Variants in NAA11 observed in about 807,000 individuals in gnomAD.
NAA11 encodes the protein N-alpha-acetyltransferase 11, NatA catalytic subunit, also known as N-alpha-acetyltransferase 11.
In NAA11, 15 loss-of-function variants were observed where a neutral mutation model predicts 16.1. The ratio of observed to expected loss-of-function variants is 0.93; its 90% confidence interval spans 0.62 to 1.44. The LOEUF is 1.44. Among genes scored for constraint, NAA11 ranks in the 40% most tolerant of loss-of-function variants. The pLI, the probability that NAA11 is intolerant of heterozygous loss-of-function variation, is 0.00. For synonymous variants in NAA11, 122 were observed against 112.4 expected (o/e 1.09, Z -0.54); for missense variants, 298 against 291.3 (o/e 1.02, Z -0.17).
chr4:79,224,107 G>C (rs558811779), downstream of NAA11, among the ~76,000 whole-genome samples: 4 of 152,208 alleles, frequency 2.6e-5, no homozygotes, highest in East Asian at 7.7e-4. Context: ...TCTAGATCTG[G>C]AAGTCTAAGA....
At chr4:79,262,971 G>A (rs909207762) in intron 2 of NAA11, among the ~76,000 whole-genome samples, 1 of 152,030 alleles carries the variant, frequency 6.6e-6, no homozygotes, top group African/African-American at 2.4e-5. Context: ...ACATATAAAA[G>A]GGATGACAGG....
the NAA11 span, among the ~76,000 whole-genome samples, chr4:79,188,560 G>A: frequency 1.3e-5 from 2 of 151,538 alleles, no homozygotes; most frequent in Admixed American, 6.6e-5. Flanking sequence ...ACTCCAGCCT[G>A]GGCGACAGAG....
At chr4:79,191,486 G>T in the NAA11 span, among the ~76,000 whole-genome samples, 60 of 152,256 alleles carry the variant, frequency 3.9e-4, no homozygotes, top group South Asian at 9.5e-3. Context: ...TATTCTTTGA[G>T]AAGTGTCTGT....
the NAA11 span, among the ~76,000 whole-genome samples, chr4:79,213,467 T>C: frequency 6.6e-6 from 1 of 152,160 alleles, no homozygotes; most frequent in Non-Finnish European, 1.5e-5. Context: ...AAAATTAATA[T>C]TTGAAATTTT....
chr4:79,269,715 C>T (rs1242369213), intron 2 of NAA11, among the ~76,000 whole-genome samples: 1 of 139,258 alleles, frequency 7.2e-6, no homozygotes. Flanking sequence ...AATTAGATCC[C>T]ATTTGTCAAT....
chr4:79,174,442 G>A, the NAA11 span, among the ~76,000 whole-genome samples: 1 of 152,182 alleles, frequency 6.6e-6, no homozygotes, highest in South Asian at 2.1e-4. Context: ...ATTTTATGTT[G>A]TGGATCACTG....
In NAA11 at chr4:79,325,387, A is replaced by G. The variant is rs901106367; in HGVS notation, c.491T>C (p.Leu164Pro). The G allele has an allele frequency of 1.2e-6, 2 of 1,614,084 alleles. No individual in the cohort carries two copies. The highest frequency in any genetic ancestry group is 1.7e-5 in the Admixed American group (1 of 60,022). Residue 164 changes from leucine to proline, a missense_variant, in exon 1 of 2, where the codon CTG becomes CCG. Coordinates refer to ENST00000286794, the MANE Select transcript of NAA11 (RefSeq NM_032693.3). ...CAGGACCACATACCCGCCCTTCTTCAGGTCCATTTGTCGTCTCAGCTCATC... is the reference window on the plus strand; with the variant it reads ...CAGGACCACATACCCGCCCTTCTTCGGGTCCATTTGTCGTCTCAGCTCATC... ...MADELRRQMDLKKGGYVVLGS... is the reference protein window; with the variant it reads ...MADELRRQMDPKKGGYVVLGS...
chr4:79,274,340 G>GA (rs1208539901), intron 2 of NAA11, among the ~76,000 whole-genome samples: 11 of 152,032 alleles, frequency 7.2e-5, no homozygotes, highest in African/African-American at 2.4e-4. Context: ...GTACAGGGGG[G>GA]AAAGGCTTTA....
intron 2 of NAA11, among the ~76,000 whole-genome samples, chr4:79,242,164 A>G (rs1721711723): frequency 6.6e-6 from 1 of 152,198 alleles, no homozygotes; most frequent in East Asian, 1.9e-4. Flanking sequence ...AGTTCCATTC[A>G]TACCGCCATG....
intron 2 of NAA11, among the ~76,000 whole-genome samples, chr4:79,283,898 G>A (rs1478737557): frequency 6.6e-6 from 1 of 152,038 alleles, no homozygotes; most frequent in Admixed American, 6.6e-5. Context: ...ATCCTGTTAT[G>A]TTAATTGGAA....
At chr4:79,169,599 T>A in the NAA11 span, among the ~76,000 whole-genome samples, 1 of 143,250 alleles carries the variant, frequency 7.0e-6, no homozygotes, top group East Asian at 2.1e-4. Flanking sequence ...TTATACAAAA[T>A]TAACTCAAGA....
chr4:79,203,353 A>G, the NAA11 span, among the ~76,000 whole-genome samples: 2 of 151,792 alleles, frequency 1.3e-5, no homozygotes, highest in Non-Finnish European at 2.9e-5. Context: ...TTAGGAAAGT[A>G]TTGTAAATAG....
At chr4:79,232,168 A>G (rs1261302974) in intron 2 of NAA11, among the ~76,000 whole-genome samples, 2 of 151,952 alleles carry the variant, frequency 1.3e-5, no homozygotes, top group African/African-American at 4.8e-5. Context: ...AGATAAAACA[A>G]GATTGGACAC....
the NAA11 span, among the ~76,000 whole-genome samples, chr4:79,216,928 T>C: frequency 1.3e-5 from 2 of 152,208 alleles, no homozygotes; most frequent in South Asian, 2.1e-4. Context: ...AACATATGCA[T>C]ATCTGAAATT....
At chr4:79,157,572 T>A in the NAA11 span, among the ~76,000 whole-genome samples, 1 of 151,638 alleles carries the variant, frequency 6.6e-6, no homozygotes, top group African/African-American at 2.4e-5. Flanking sequence ...TATGTATGTA[T>A]ATATACATAT....
chr4:79,193,074 T>A, the NAA11 span, among the ~76,000 whole-genome samples: 19 of 152,032 alleles, frequency 1.2e-4, no homozygotes, highest in African/African-American at 4.1e-4. Context: ...TTGATGGGGT[T>A]GTTTTTTTCT....
chr4:79,252,436 C>G (rs752080693), intron 2 of NAA11, among the ~76,000 whole-genome samples: 1 of 152,048 alleles, frequency 6.6e-6, no homozygotes. Context: ...AGAGGTTGAG[C>G]TCCCATTCTC....
At position 79,309,825 on chromosome 4, in the gene NAA11, T is replaced by C. The variant is rs548147035; in HGVS notation, c.*12+15351A>G. Among the ~76,000 whole-genome samples, 4 of 151,186 alleles carry C rather than the reference T, an allele frequency of 2.6e-5. No individual in the cohort carries two copies. In the East Asian group the frequency reaches 7.9e-4, roughly 30 times the overall value. ...CCATCTCCCGGGTTCACGCCATTCT[T>C]CTGCCTCAGCCCCTCCAGTAGCTGG... is the stretch of plus-strand genomic sequence containing the variant. On this transcript the variant is annotated intron_variant and NMD_transcript_variant, in intron 1 of 2. Coordinates refer to the NAA11 transcript ENST00000511542.
intron 2 of NAA11, among the ~76,000 whole-genome samples, chr4:79,246,257 G>A (rs1721820320): frequency 6.6e-6 from 1 of 151,874 alleles, no homozygotes; most frequent in Admixed American, 6.6e-5. Flanking sequence ...AGGGTCCTCT[G>A]CCTAGGAAAA....
Sources: allele counts gnomAD v4.1 joint callset (sites outside exome capture counted in the v4.1 genomes callset), GRCh38; gene constraint gnomAD v4.1.1; transcripts MANE v1.5; gene names NCBI Gene and HGNC (gene_info 2026-07-23, HGNC 2026-07-21).